The following DPP6 variants were observed in gnomAD, a reference collection of about 807,000 sequenced individuals.
The protein encoded by DPP6 is dipeptidyl peptidase like 6.
In DPP6, 69 loss-of-function variants were observed where a neutral mutation model predicts 122.6. The ratio of observed to expected loss-of-function variants is 0.56; its 90% CI spans 0.46 to 0.69. The LOEUF (loss-of-function observed/expected upper bound fraction) is 0.69, where lower values mean the gene tolerates loss of function less well. Ranked by LOEUF, DPP6 falls within the 30% of genes least tolerant of loss-of-function variation. The pLI, the probability that DPP6 is intolerant of heterozygous loss-of-function variation, is 0.00. For missense variants in DPP6, 928 were observed against 1,116.9 expected (o/e 0.83, Z 2.41); for synonymous variants, 418 against 433.1 (o/e 0.97, Z 0.43).
chr7:154,861,761 T>G (rs1278240825), intron 17 of DPP6, among the ~76,000 whole-genome samples: 1 of 152,190 alleles, frequency 6.6e-6, no homozygotes, highest in Non-Finnish European at 1.5e-5. Flanking sequence ...ACTCAGTTCA[T>G]GAGCACACCT....
chr7:154,016,990 G>A (rs1798447239), intron 1 of DPP6, among the ~76,000 whole-genome samples: 1 of 152,230 alleles, frequency 6.6e-6, no homozygotes, highest in South Asian at 2.1e-4. Flanking sequence ...TCATCAAGAG[G>A]TTGGTTAGTG....
intron 8 of DPP6, among the ~76,000 whole-genome samples, chr7:154,740,817 G>A (rs758625462): frequency 7.9e-5 from 12 of 152,166 alleles, no homozygotes; most frequent in South Asian, 2.1e-4. Flanking sequence ...GGACATTTGC[G>A]TACTGGGAGA....
chr7:154,141,962 A>G (rs1398567032), intron 1 of DPP6, among the ~76,000 whole-genome samples: 1 of 152,204 alleles, frequency 6.6e-6, no homozygotes, highest in Non-Finnish European at 1.5e-5. Context: ...TGCTTGCAGC[A>G]GGACCAATCA....
At position 153,944,609 on chromosome 7, in the gene DPP6, C is replaced by A. The variant is rs114294518; in HGVS notation, c.51+56875C>A. 2.8e-3 allele frequency among the ~76,000 whole-genome samples: 417 copies of A among 147,206 alleles called. 4 individuals are homozygous for A. Among genetic ancestry groups the A allele is most frequent in the African/African-American group, 9.3e-3 (369 of 39,874 alleles). On this transcript the variant is annotated intron_variant, in intron 1 of 25. Coordinates refer to the DPP6 transcript ENST00000404039. ...GTGTGGTGGGAGGCCTCACAACACACGGGGCCTTGCAGGCCATAACTAGGA... is the reference window on the plus strand; with the variant it reads ...GTGTGGTGGGAGGCCTCACAACACAAGGGGCCTTGCAGGCCATAACTAGGA...
chr7:153,883,165 T>C (rs1798800770), upstream of DPP6, among the ~76,000 whole-genome samples: 4 of 152,118 alleles, frequency 2.6e-5, no homozygotes, highest in Admixed American at 2.6e-4. Flanking sequence ...TTGATAAATA[T>C]AGGACCACCT....
the DPP6 span, among the ~76,000 whole-genome samples, chr7:153,871,145 C>A: frequency 1.6e-4 from 24 of 152,210 alleles, no homozygotes; most frequent in Admixed American, 1.6e-3. Flanking sequence ...TCCCAAGCTG[C>A]GTGCTGGGAG....
At chr7:154,726,026 T>A (rs1430728159) in intron 7 of DPP6, among the ~76,000 whole-genome samples, 1 of 152,224 alleles carries the variant, frequency 6.6e-6, no homozygotes, top group Non-Finnish European at 1.5e-5. Flanking sequence ...CAGTGCATGC[T>A]GATACAGCAG....
At chr7:154,317,073 T>C (rs917675367) in intron 1 of DPP6, among the ~76,000 whole-genome samples, 3 of 152,158 alleles carry the variant, frequency 2.0e-5, no homozygotes, top group African/African-American at 7.2e-5. Flanking sequence ...GATTTGGCTG[T>C]CTCCCTGTCC....
At chr7:153,993,839 A>C (rs1797307953) in intron 1 of DPP6, among the ~76,000 whole-genome samples, 1 of 152,202 alleles carries the variant, frequency 6.6e-6, no homozygotes, top group Non-Finnish European at 1.5e-5. Flanking sequence ...CCAGCCACCC[A>C]GTACATCTCC....
At chr7:154,256,687 G>C (rs1802678163) in intron 1 of DPP6, among the ~76,000 whole-genome samples, 1 of 152,196 alleles carries the variant, frequency 6.6e-6, no homozygotes, top group Non-Finnish European at 1.5e-5. Flanking sequence ...CTACACTGTG[G>C]TAAGTCCCCT....
intron 16 of DPP6, among the ~76,000 whole-genome samples, chr7:154,818,803 G>T (rs576685467): frequency 2.9e-4 from 44 of 152,282 alleles, no homozygotes; most frequent in African/African-American, 1.1e-3. Context: ...AACATTTGGA[G>T]CCATTCCCTT....
chr7:154,277,649 C>T (rs1306681900), intron 1 of DPP6, among the ~76,000 whole-genome samples: 1 of 152,124 alleles, frequency 6.6e-6, no homozygotes, highest in Non-Finnish European at 1.5e-5. Flanking sequence ...CCTGCAATCC[C>T]AGCTACTTGG....
intron 16 of DPP6, among the ~76,000 whole-genome samples, chr7:154,828,486 T>C (rs1365004351): frequency 6.6e-6 from 1 of 152,180 alleles, no homozygotes; most frequent in Non-Finnish European, 1.5e-5. Context: ...CTTAAAAAGT[T>C]TTCTAAAGAA....
intron 1 of DPP6, among the ~76,000 whole-genome samples, chr7:154,215,726 A>C (rs967904977): frequency 6.6e-6 from 1 of 152,088 alleles, no homozygotes; most frequent in Non-Finnish European, 1.5e-5. Context: ...GCTGGCCCAG[A>C]ATCAACATGA....
intron 10 of DPP6, among the ~76,000 whole-genome samples, chr7:154,788,556 A>C (rs1202221030): frequency 6.6e-6 from 1 of 152,226 alleles, no homozygotes; most frequent in Non-Finnish European, 1.5e-5. Flanking sequence ...AAGGAGGAGA[A>C]GCTTCAGATC....
At chr7:153,879,455 T>C in the DPP6 span, among the ~76,000 whole-genome samples, 2 of 152,206 alleles carry the variant, frequency 1.3e-5, no homozygotes, top group South Asian at 2.1e-4. Flanking sequence ...AGCAGTGCCA[T>C]CTCAGCTCAC....
intron 3 of DPP6, among the ~76,000 whole-genome samples, chr7:154,517,339 G>T (rs1373163560): frequency 6.6e-6 from 1 of 152,136 alleles, no homozygotes; most frequent in Non-Finnish European, 1.5e-5. Context: ...ATTCTGCTTG[G>T]AGAAGGAGAA....
chr7:154,804,946 G>C lies in DPP6; in HGVS notation c.1529G>C (p.Arg510Pro). Residue 510 changes from arginine (R) to proline (P), a missense_variant, in exon 15 of 26, where the codon CGG becomes CCG. By Grantham distance (103) the Arg-to-Pro change is moderately radical. Transcript: ENST00000377770. ...TTCCTGAGCACGGAGGACCTGCCTC[G>C]GAGACGACAACTCTACAGGTAACTC... ...IYFLSTEDLP[R>P]RRQLYSANTV... 1 of 1,601,484 alleles carries C rather than the reference G, an allele frequency of 6.2e-7. No homozygotes were observed. The highest frequency in any genetic ancestry group is 8.5e-7 in the Non-Finnish European group (1 of 1,173,842).
chr7:153,758,582 A>G, the DPP6 span, among the ~76,000 whole-genome samples: 4 of 152,144 alleles, frequency 2.6e-5, no homozygotes, highest in African/African-American at 9.7e-5. Flanking sequence ...ACTATATATT[A>G]CTTTCCATTT....
Sources: gnomAD v4.1 joint callset for allele counts (sites outside exome capture counted in the v4.1 genomes callset) on GRCh38, gnomAD v4.1.1 for gene constraint, MANE v1.5 for transcripts, NCBI Gene and HGNC (gene_info 2026-07-23, HGNC 2026-07-21) for gene names.